PIK3C2A: variants seen among roughly 807,000 people sequenced by gnomAD.
PIK3C2A encodes phosphatidylinositol-4-phosphate 3-kinase catalytic subunit type 2 alpha.
Under a neutral mutation model 204.5 loss-of-function variants are expected in PIK3C2A, and 97 were observed. That is an observed-to-expected ratio of 0.47 (90% CI 0.40 to 0.56). The LOEUF is 0.56. PIK3C2A is among the 20% of genes least tolerant of loss of function. The pLI is 0.00. For missense variants in PIK3C2A, 1,735 were observed against 1,969.2 expected (o/e 0.88, Z 2.25); for synonymous variants, 653 against 664.4 (o/e 0.98, Z 0.26).
At chr11:17,177,720 T>C (rs890628411) in intron 1 of PIK3C2A, among the ~76,000 whole-genome samples, 3 of 152,172 alleles carry the variant, frequency 2.0e-5, no homozygotes, top group Admixed American at 1.3e-4. Flanking sequence ...TTAGGAACTA[T>C]AAAAATTTGT....
At chr11:17,168,486 C>T (rs535211660) in intron 2 of PIK3C2A, among the ~76,000 whole-genome samples, 191 bp downstream of exon 2, 20 of 152,146 alleles carry the variant, frequency 1.3e-4, no homozygotes, top group African/African-American at 4.3e-4. Flanking sequence ...GAGGCTGAGG[C>T]AGGAGAAGGG....
rs1020950303 is a variant in PIK3C2A, at chr11:17,097,967, TCTCTC to T, written c.4119-708_4119-704del. Among the ~76,000 whole-genome samples the T allele has an allele frequency of 2.3e-4, 35 of 152,184 alleles. 1 individual carries two copies. The highest frequency in any genetic ancestry group is 7.7e-4 in the African/African-American group (32 of 41,530). ...ACAAAGTAATCCAAATTTTAAAAAT[TCTCTC>T]CTATCAAACAGTAGAACTGTAGAAT... On this transcript the variant is annotated intron_variant, in intron 26 of 32. Transcript: ENST00000691414.
intron 1 of PIK3C2A, among the ~76,000 whole-genome samples, chr11:17,182,092 CAAAA>C (rs112297790): frequency 1.9e-5 from 2 of 105,224 alleles, no homozygotes; most frequent in Non-Finnish European, 4.0e-5. Flanking sequence ...AACTCTGTCT[CAAAA>C]AAAAAAAAAA....
intron 26 of PIK3C2A, among the ~76,000 whole-genome samples, chr11:17,099,530 A>G (rs1848553982): frequency 1.3e-5 from 2 of 152,240 alleles, no homozygotes; most frequent in African/African-American, 4.8e-5. Context: ...TGGATGAAAC[A>G]GCAAGACTCA....
chr11:17,118,713 A>G lies in PIK3C2A; in HGVS notation c.2967T>C (p.Asn989=). The G allele has an allele frequency of 6.4e-7, 1 of 1,552,718 alleles. No individual in the cohort carries two copies. Among genetic ancestry groups the G allele is most frequent in the Non-Finnish European group, 8.9e-7 (1 of 1,126,132 alleles). Residue 989 remains asparagine, a synonymous_variant, in exon 18 of 33, where the codon AAT becomes AAC. Transcript: ENST00000691414. ...VQALKYEIYL[N]SSLVQFLLSR... The stretch of plus-strand genomic sequence containing the variant: ...ACAAAAGGAATTGCACTAATGAACT[A>G]TTCAAGTAAATTTCATATTTCAAAG...
chr11:17,150,664 A>C lies in PIK3C2A; in HGVS notation c.1170-9T>G, dbSNP rs186965490. On this transcript the variant is annotated splice_polypyrimidine_tract_variant and intron_variant, in intron 3 of 32. Transcript: ENST00000691414. ...GAAATTTGGTCTTCAATCTGTTCACAAGAAAGAAGAAATTAAATTCTTTTT... is the reference window on the plus strand; with the variant it reads ...GAAATTTGGTCTTCAATCTGTTCACCAGAAAGAAGAAATTAAATTCTTTTT... 2.0e-4 allele frequency: 307 copies of C among 1,566,802 alleles called. No individual in the cohort carries two copies. The African/African-American group carries it at 3.8e-3, about 19-fold the overall frequency.
chr11:17,107,985 C>T (rs961161763), intron 22 of PIK3C2A, among the ~76,000 whole-genome samples: 1 of 152,204 alleles, frequency 6.6e-6, no homozygotes, highest in Non-Finnish European at 1.5e-5. Context: ...GATTCTAGTG[C>T]CTGAGCCTCC....
At chr11:17,138,378 C>T in intron 8 of PIK3C2A, 3 of 392,118 alleles carry the variant, frequency 7.7e-6, no homozygotes, top group African/African-American at 2.0e-5. Flanking sequence ...TCAAAGACTA[C>T]CTCTAGCTGC....
At chr11:17,101,158 G>T in intron 25 of PIK3C2A, 120 bp downstream of exon 25, 1 of 560,360 alleles carries the variant, frequency 1.8e-6, no homozygotes, top group Non-Finnish European at 3.1e-6. Context: ...GAGCAATAAT[G>T]TATCTGACAT....
intron 19 of PIK3C2A, among the ~76,000 whole-genome samples, chr11:17,115,122 T>C (rs1371656601): frequency 6.6e-6 from 1 of 152,058 alleles, no homozygotes; most frequent in African/African-American, 2.4e-5. Flanking sequence ...ACACGGTTCC[T>C]AAAATTCATA....
chr11:17,195,741 GC>G (rs1486125703), intron 1 of PIK3C2A, among the ~76,000 whole-genome samples: 67 of 131,750 alleles, frequency 5.1e-4, no homozygotes, highest in Middle Eastern at 4.5e-3. Flanking sequence ...AGACTCTATT[GC>G]AAAAAAAAAA....
chr11:17,168,627 T>C (rs752425206), intron 2 of PIK3C2A, 50 bp downstream of exon 2: 1 of 1,201,320 alleles, frequency 8.3e-7, no homozygotes, highest in East Asian at 2.3e-5. Flanking sequence ...TACACAAATA[T>C]GAACTCTGTG....
At chr11:17,138,321 C>A in intron 8 of PIK3C2A, 1 of 440,168 alleles carries the variant, frequency 2.3e-6, no homozygotes, top group Non-Finnish European at 4.0e-6. Flanking sequence ...AAACAGCCAG[C>A]TTCCTTTTTT....
At chr11:17,203,209 C>T (rs1852448132) in intron 1 of PIK3C2A, among the ~76,000 whole-genome samples, 1 of 151,890 alleles carries the variant, frequency 6.6e-6, no homozygotes, top group African/African-American at 2.4e-5. Context: ...AAACAGACTG[C>T]AGGCCGAGTG....
intron 27 of PIK3C2A, among the ~76,000 whole-genome samples, chr11:17,095,910 CTT>C (rs1848441055): frequency 6.6e-6 from 1 of 150,964 alleles, no homozygotes; most frequent in Non-Finnish European, 1.5e-5. Context: ...GAGTGAGACT[CTT>C]TTATATTTAT....
rs540920139 is a variant in PIK3C2A, at chr11:17,089,381, A to G, written c.*357T>C. The G allele has an allele frequency of 2.4e-5, 4 of 166,088 alleles. No homozygotes were observed. In the South Asian group the frequency reaches 5.7e-4, roughly 24 times the overall value. The allele number at this position is 166,088 out of a possible 1,614,324, so 10.3% of individuals were successfully genotyped here. A position where few individuals can be genotyped will look rare whatever the true frequency, so the allele number is the denominator to read the frequency against. On this transcript the variant is annotated 3_prime_UTR_variant, in exon 33 of 33. Transcript: ENST00000691414. ...GCTATAAAAGGTGCATAACAGGAAA[A>G]CACATATGCTTTGCCTCCTTATAGA...
At chr11:17,108,405 G>A (rs924950063) in intron 22 of PIK3C2A, among the ~76,000 whole-genome samples, 9 of 152,108 alleles carry the variant, frequency 5.9e-5, no homozygotes, top group East Asian at 3.9e-4. Flanking sequence ...GTTCGAGGCC[G>A]GCCTCGACAA....
intron 1 of PIK3C2A, among the ~76,000 whole-genome samples, chr11:17,186,024 C>T (rs914593795): frequency 6.6e-6 from 1 of 152,060 alleles, no homozygotes; most frequent in Admixed American, 6.6e-5. Flanking sequence ...AATATTTGGC[C>T]CCCCATTATC....
intron 2 of PIK3C2A, among the ~76,000 whole-genome samples, chr11:17,166,851 T>C (rs1850971537): frequency 6.6e-6 from 1 of 152,166 alleles, no homozygotes; most frequent in Non-Finnish European, 1.5e-5. Flanking sequence ...GAGAAACCTA[T>C]AAAATAGAGA....
Sources: gnomAD v4.1 joint callset for allele counts (sites outside exome capture counted in the v4.1 genomes callset) on GRCh38, gnomAD v4.1.1 for gene constraint, MANE v1.5 for transcripts, NCBI Gene and HGNC (gene_info 2026-07-23, HGNC 2026-07-21) for gene names.